IL20RB: variants seen among roughly 807,000 people sequenced by gnomAD.
The protein encoded by IL20RB is interleukin 20 receptor subunit beta, also known as interleukin-20 receptor subunit beta.
A neutral mutation model predicts 33.3 loss-of-function variants in IL20RB; 21 were observed. The observed-to-expected ratio is 0.63, with a 90% CI of 0.45 to 0.91. IL20RB has a LOEUF of 0.91. Among genes scored for constraint, IL20RB ranks in the 40% least tolerant of loss-of-function variants. IL20RB has a pLI of 0.00. For missense variants in IL20RB, 345 were observed against 384.8 expected, an observed-to-expected ratio of 0.90 and a Z score of 0.86; for synonymous variants, 147 against 146.8, an observed-to-expected ratio of 1.00 and a Z score of -0.01.
At chr3:136,986,812 C>T (rs1473082434) in intron 3 of IL20RB, 2 of 452,828 alleles carry the variant, frequency 4.4e-6, no homozygotes, top group Non-Finnish European at 4.4e-6. Flanking sequence ...TAAGGTGGCG[C>T]GTCTGGAGTC....
intron 1 of IL20RB, among the ~76,000 whole-genome samples, chr3:136,973,776 T>C (rs958736054): frequency 6.6e-6 from 1 of 152,168 alleles, no homozygotes; most frequent in East Asian, 1.9e-4. Flanking sequence ...AGAATTGTTA[T>C]AACTTCTTGC....
chr3:137,002,291 G>T (rs940722791), intron 6 of IL20RB, among the ~76,000 whole-genome samples: 1 of 152,150 alleles, frequency 6.6e-6, no homozygotes, highest in Non-Finnish European at 1.5e-5. Context: ...TATCTACCAG[G>T]TAATGGGATT....
intron 6 of IL20RB, among the ~76,000 whole-genome samples, chr3:136,998,280 C>G (rs1018772947): frequency 6.6e-6 from 1 of 151,414 alleles, no homozygotes; most frequent in African/African-American, 2.4e-5. Flanking sequence ...TATACATATT[C>G]TTAACTTTTC....
Position 136,980,470 on chromosome 3 carries a change from A to T in IL20RB, c.93A>T (p.Glu31Asp). 6.2e-7 allele frequency: 1 copy of T among 1,614,142 alleles called. No individual in the cohort carries two copies. The highest frequency in any genetic ancestry group is 2.2e-5 in the East Asian group (1 of 44,884). The change falls in exon 2 of 7, where the codon GAA becomes GAT. Residue 31 changes from glutamate to aspartate, a missense_variant. Transcript: ENST00000329582. ...GGCTATCTGCCTTGATCCTAGATGA[A>T]GTGGCCATTCTGCCTGCCCCTCAGA... The part of the protein sequence containing the change: ...YALIPCLLTD[E>D]VAILPAPQNL...
At chr3:136,985,407 A>G (rs1213128462) in intron 3 of IL20RB, among the ~76,000 whole-genome samples, 2 of 145,178 alleles carry the variant, frequency 1.4e-5, no homozygotes, top group Non-Finnish European at 3.0e-5. Flanking sequence ...GCATGATCTT[A>G]GCTCACTGCA....
At chr3:136,976,015 C>T (rs1411775434) in intron 1 of IL20RB, among the ~76,000 whole-genome samples, 2 of 152,130 alleles carry the variant, frequency 1.3e-5, no homozygotes, top group Non-Finnish European at 2.9e-5. Flanking sequence ...CGAGAGTTGT[C>T]CTTTTATGAT....
chr3:136,984,003 A>AT (rs1010732966), intron 3 of IL20RB, among the ~76,000 whole-genome samples: 75 of 151,826 alleles, frequency 4.9e-4, no homozygotes, highest in African/African-American at 1.7e-3. Context: ...TGCCTGACTA[A>AT]TTTTTTTGTA....
chr3:136,986,629 C>A (rs1459026111), intron 3 of IL20RB: 2 of 455,650 alleles, frequency 4.4e-6, no homozygotes, highest in Non-Finnish European at 8.8e-6. Flanking sequence ...AACAAGCAGG[C>A]ATAAACACTT....
Position 137,010,173 on chromosome 3 carries a change from G to A in IL20RB, c.886G>A (p.Ala296Thr), listed in dbSNP as rs762946763. ...CAGAAGGGAGGAGGTGGATGCCTGTGCCACGGCTGTGATGTCTCCTGAGGA... is the reference window on the plus strand; with the variant it reads ...CAGAAGGGAGGAGGTGGATGCCTGTACCACGGCTGTGATGTCTCCTGAGGA... Reference protein sequence around the residue: ...SCRREEVDACATAVMSPEELL... With the variant: ...SCRREEVDACTTAVMSPEELL... The change falls in exon 7 of 7, where the codon GCC (alanine) becomes ACC (threonine). Residue 296 changes from alanine (A) to threonine (T), a missense_variant. Transcript: ENST00000329582. 2.5e-6 allele frequency: 4 copies of A among 1,610,000 alleles called. No individual in the cohort carries two copies. The highest frequency in any genetic ancestry group is 3.4e-6 in the Non-Finnish European group (4 of 1,176,282).
At chr3:136,992,693 C>G (rs1942055999) in intron 5 of IL20RB, among the ~76,000 whole-genome samples, 1 of 152,056 alleles carries the variant, frequency 6.6e-6, no homozygotes, top group African/African-American at 2.4e-5. Context: ...AAAAATAGAA[C>G]TATTTTTTTA....
intron 3 of IL20RB, among the ~76,000 whole-genome samples, chr3:136,988,442 C>G (rs774039450): frequency 7.2e-5 from 11 of 151,978 alleles, no homozygotes; most frequent in Non-Finnish European, 1.6e-4. Flanking sequence ...TTATTGGAAT[C>G]TGTAAAAAGC....
At chr3:136,982,419 C>T in intron 3 of IL20RB, 69 bp downstream of exon 3, 2 of 1,137,286 alleles carry the variant, frequency 1.8e-6, no homozygotes, top group Admixed American at 2.2e-5. Context: ...TTCACCTAAA[C>T]TTTCTAGACT....
intron 1 of IL20RB, among the ~76,000 whole-genome samples, chr3:136,974,604 C>T (rs1391600041): frequency 3.3e-5 from 5 of 152,070 alleles, no homozygotes; most frequent in Non-Finnish European, 1.5e-5. Context: ...CTATAATGAC[C>T]ATTTTACATT....
chr3:136,984,805 T>C (rs1316269799), intron 3 of IL20RB, among the ~76,000 whole-genome samples: 2 of 152,086 alleles, frequency 1.3e-5, no homozygotes, highest in African/African-American at 2.4e-5. Flanking sequence ...GAGAGGATGA[T>C]CATCTGGCTG....
At chr3:136,978,486 A>G (rs1251901786) in intron 1 of IL20RB, among the ~76,000 whole-genome samples, 1 of 152,046 alleles carries the variant, frequency 6.6e-6, no homozygotes, top group Non-Finnish European at 1.5e-5. Context: ...GTTTTTCATA[A>G]TGAATGGATG....
intron 5 of IL20RB, among the ~76,000 whole-genome samples, chr3:136,992,664 G>A (rs942546193): frequency 1.3e-5 from 2 of 152,146 alleles, no homozygotes; most frequent in African/African-American, 4.8e-5. Flanking sequence ...ACATTTTTGT[G>A]TATAGCCTTT....
intron 6 of IL20RB, among the ~76,000 whole-genome samples, chr3:137,003,202 G>A (rs573301644): frequency 3.9e-4 from 60 of 152,260 alleles, no homozygotes; most frequent in African/African-American, 1.4e-3. Flanking sequence ...GTCAGATAGT[G>A]TGATGCCTCC....
chr3:136,977,996 A>G (rs1941668601), intron 1 of IL20RB, among the ~76,000 whole-genome samples: 1 of 152,190 alleles, frequency 6.6e-6, no homozygotes, highest in African/African-American at 2.4e-5. Context: ...TATGTTGAAT[A>G]AGAGTGGTAA....
At chr3:136,969,651 C>T (rs1387840607) in intron 1 of IL20RB, among the ~76,000 whole-genome samples, 1 of 151,770 alleles carries the variant, frequency 6.6e-6, no homozygotes, top group Non-Finnish European at 1.5e-5. Context: ...AGAAATCACC[C>T]GTCTTCTGCG....
Sources: allele counts gnomAD v4.1 joint callset (sites outside exome capture counted in the v4.1 genomes callset), GRCh38; gene constraint gnomAD v4.1.1; transcripts MANE v1.5; gene names NCBI Gene and HGNC (gene_info 2026-07-23, HGNC 2026-07-21).